The following KLRD1 variants were observed in gnomAD, a reference collection of about 807,000 sequenced individuals.
The protein encoded by KLRD1 is natural killer cells antigen CD94.
In KLRD1, 21 loss-of-function variants were observed where a neutral mutation model predicts 22.6. The observed-to-expected ratio is 0.93, with a 90% CI of 0.66 to 1.34. The LOEUF is 1.34. Ranked by LOEUF, KLRD1 falls within the 40% of genes most tolerant of loss-of-function variation. KLRD1 has a pLI of 0.00. For missense variants in KLRD1, 183 were observed against 208.6 expected, an observed-to-expected ratio of 0.88 and a Z score of 0.76; for synonymous variants, 59 against 71.1, an observed-to-expected ratio of 0.83 and a Z score of 0.85.
intron 5 of KLRD1, 96 bp downstream of exon 5, chr12:10,313,609 T>C: frequency 1.6e-6 from 1 of 625,172 alleles, no homozygotes; most frequent in Non-Finnish European, 2.8e-6. Context: ...GTGGCTGAAA[T>C]AACCTTGTCT....
Position 10,289,569 on chromosome 12 carries a change from T to C in KLRD1, c.-100-18409T>C, listed in dbSNP as rs560766174. Among the ~76,000 whole-genome samples, 6 of 152,336 alleles carry C rather than the reference T, an allele frequency of 3.9e-5. No individual in the cohort carries two copies. The South Asian group carries it at 1.2e-3, about 32-fold the overall frequency. On this transcript the variant is annotated intron_variant, in intron 1 of 5. Transcript: ENST00000544747. ...AGCTACTGGGCAGTGTAGATTTACT[T>C]ATATGCATAACTTGAACATTATTTT... is the stretch of plus-strand genomic sequence containing the variant.
intron 1 of KLRD1, among the ~76,000 whole-genome samples, chr12:10,296,776 A>C: frequency 6.6e-6 from 1 of 152,054 alleles, no homozygotes. Context: ...AGGGAAACTT[A>C]CCCCCCGGCC....
chr12:10,265,813 A>T (rs1444092361), intron 1 of KLRD1, among the ~76,000 whole-genome samples: 1 of 152,126 alleles, frequency 6.6e-6, no homozygotes, highest in African/African-American at 2.4e-5. Flanking sequence ...GATATTTACG[A>T]CCTTGTGTCT....
At chr12:10,259,277 A>C (rs1949426955) in intron 1 of KLRD1, among the ~76,000 whole-genome samples, 1 of 152,142 alleles carries the variant, frequency 6.6e-6, no homozygotes, top group African/African-American at 2.4e-5. Context: ...TTACTCCATC[A>C]CATTATTGTT....
intron 1 of KLRD1, among the ~76,000 whole-genome samples, chr12:10,298,551 C>T (rs1023684047): frequency 6.6e-6 from 1 of 152,236 alleles, no homozygotes; most frequent in African/African-American, 2.4e-5. Context: ...ATCTGCAGCA[C>T]TGTGACATGC....
At chr12:10,239,343 A>G (rs1411277253) in intron 1 of KLRD1, among the ~76,000 whole-genome samples, 1 of 152,070 alleles carries the variant, frequency 6.6e-6, no homozygotes, top group African/African-American at 2.4e-5. Context: ...GTCCAGGCAA[A>G]AGGCATGACT....
At chr12:10,310,127 T>C (rs1950025485) in intron 3 of KLRD1, among the ~76,000 whole-genome samples, 1 of 152,218 alleles carries the variant, frequency 6.6e-6, no homozygotes, top group Non-Finnish European at 1.5e-5. Context: ...TTTTCGTTTT[T>C]GGAGATGGAG....
At chr12:10,254,731 A>C (rs1432049947) in intron 1 of KLRD1, among the ~76,000 whole-genome samples, 2 of 151,974 alleles carry the variant, frequency 1.3e-5, no homozygotes, top group African/African-American at 4.8e-5. Context: ...TCATGTAAAA[A>C]TACAAGGAAA....
Position 10,239,561 on chromosome 12 carries a change from TTCTTTC to T in KLRD1, c.-101+13330_-101+13335del, listed in dbSNP as rs1565443452. On this transcript the variant is annotated intron_variant, in intron 1 of 5. Transcript: ENST00000544747. Reference sequence around the variant, plus strand: ...TTTCTTTCTTTCTTTCTTTCTTTCTTTCTTTCTTTCTTTCTTTCTTTCTTTTTCTTT... The same window carrying T: ...TTTCTTTCTTTCTTTCTTTCTTTCTTTTTCTTTCTTTCTTTCTTTTTCTTT... 1.3e-3 allele frequency among the ~76,000 whole-genome samples: 169 copies of T among 130,424 alleles called. 4 individuals carry two copies. Among genetic ancestry groups the T allele is most frequent in the African/African-American group, 5.5e-3 (165 of 30,154 alleles). 85.6% of individuals were successfully genotyped at this position (130,424 alleles called of 152,430 possible). A position where few individuals can be genotyped will look rare whatever the true frequency, so the allele number is the denominator to read the frequency against.
chr12:10,305,703 A>G (rs1159438047), upstream of KLRD1, among the ~76,000 whole-genome samples: 2 of 152,202 alleles, frequency 1.3e-5, no homozygotes, highest in Non-Finnish European at 2.9e-5. Context: ...TTATTGGAGA[A>G]AAAAAGAACC....
chr12:10,306,444 C>G (rs1949930247), upstream of KLRD1, among the ~76,000 whole-genome samples: 1 of 152,076 alleles, frequency 6.6e-6, no homozygotes, highest in Non-Finnish European at 1.5e-5. Context: ...CTCTAACTTC[C>G]AAATAAAGGT....
intron 1 of KLRD1, chr12:10,308,341 G>A: frequency 2.1e-6 from 1 of 475,202 alleles, no homozygotes; most frequent in Non-Finnish European, 3.8e-6. Flanking sequence ...TTCTGAGTGA[G>A]AACTGAACTT....
intron 1 of KLRD1, among the ~76,000 whole-genome samples, chr12:10,277,115 T>C (rs910798642): frequency 2.1e-5 from 2 of 93,640 alleles, no homozygotes; most frequent in African/African-American, 1.3e-4. Flanking sequence ...CCTCACAGAG[T>C]TTTTTTTTTT....
At chr12:10,310,865 G>A (rs1057116938) in intron 3 of KLRD1, among the ~76,000 whole-genome samples, 2 of 152,150 alleles carry the variant, frequency 1.3e-5, no homozygotes, top group African/African-American at 4.8e-5. Flanking sequence ...TGCCTATGAC[G>A]TGTCATGTTT....
intron 1 of KLRD1, among the ~76,000 whole-genome samples, chr12:10,239,627 TTC>T (rs1007539353): frequency 6.6e-6 from 1 of 150,464 alleles, no homozygotes; most frequent in African/African-American, 2.5e-5. Context: ...TCTTTTCTCT[TTC>T]TCTCTGTCTT....
At chr12:10,296,886 A>T (rs1949827185) in intron 1 of KLRD1, among the ~76,000 whole-genome samples, 1 of 152,202 alleles carries the variant, frequency 6.6e-6, no homozygotes, top group Non-Finnish European at 1.5e-5. Flanking sequence ...TTACTGGGTC[A>T]GACACTGTTT....
chr12:10,308,394 T>C (rs1009505497), intron 1 of KLRD1: 7 of 338,762 alleles, frequency 2.1e-5, no homozygotes, highest in Non-Finnish European at 3.8e-5. Context: ...AGTATAGCAA[T>C]AGAAAATGCC....
chr12:10,300,134 T>C (rs1398139461), upstream of KLRD1, among the ~76,000 whole-genome samples: 1 of 152,222 alleles, frequency 6.6e-6, no homozygotes, highest in Non-Finnish European at 1.5e-5. Context: ...TTTGACTTCC[T>C]TCCATGAATC....
chr12:10,270,693 C>T (rs534556787), intron 1 of KLRD1, among the ~76,000 whole-genome samples: 1 of 152,040 alleles, frequency 6.6e-6, no homozygotes, highest in Non-Finnish European at 1.5e-5. Context: ...TGTTTATGAA[C>T]TAACAAGTTG....
Sources: gnomAD v4.1 joint callset for allele counts (sites outside exome capture counted in the v4.1 genomes callset) on GRCh38, gnomAD v4.1.1 for gene constraint, MANE v1.5 for transcripts, NCBI Gene and HGNC (gene_info 2026-07-23, HGNC 2026-07-21) for gene names.